Variants in HDLBP observed in about 807,000 individuals in gnomAD.
HDLBP encodes high density lipoprotein binding protein.
Under a neutral mutation model 137.3 loss-of-function variants are expected in HDLBP, and 30 were observed. The observed-to-expected ratio is 0.22, with a 90% CI of 0.16 to 0.30. HDLBP has a LOEUF of 0.30. HDLBP is among the 10% of genes least tolerant of loss of function. The probability of loss-of-function intolerance (pLI) is 1.00; values close to 1 mark genes in which losing one functional copy is unlikely to be tolerated. For missense variants in HDLBP, 1,119 were observed against 1,667.3 expected (o/e 0.67, Z 5.73); for synonymous variants, 606 against 596.0 (o/e 1.02, Z -0.24).
At chr2:241,235,679 C>G in intron 21 of HDLBP, 85 bp from the exon 22 acceptor site, 1 of 869,732 alleles carries the variant, frequency 1.1e-6, no homozygotes, top group Non-Finnish European at 1.9e-6. Context: ...CCACGAAACA[C>G]AAGGCAAACA....
chr2:241,268,628 C>A, intron 1 of HDLBP, 87 bp from the exon 2 acceptor site: 1 of 389,570 alleles, frequency 2.6e-6, no homozygotes, highest in Non-Finnish European at 3.5e-6. Flanking sequence ...ATCTTTTTAC[C>A]TCAAAATCAG....
rs531927289 is a variant in HDLBP, at chr2:241,257,381, C to T, written c.451-575G>A. On this transcript the variant is annotated intron_variant, in intron 5 of 27. Transcript: ENST00000310931. ...TCGATTAGCTGGGACTACAGGCGTGCGCCACCATGCCCAGCTAATTTTTAT... is the reference window on the plus strand; with the variant it reads ...TCGATTAGCTGGGACTACAGGCGTGTGCCACCATGCCCAGCTAATTTTTAT... Among the ~76,000 whole-genome samples, 127 of 152,224 alleles carry T rather than the reference C, an allele frequency of 8.3e-4. 1 individual carries two copies. The highest frequency in any genetic ancestry group is 2.7e-3 in the African/African-American group (114 of 41,542).
At chr2:241,303,158 C>T (rs2075447320) in intron 1 of HDLBP, among the ~76,000 whole-genome samples, 1 of 152,244 alleles carries the variant, frequency 6.6e-6, no homozygotes, top group Non-Finnish European at 1.5e-5. Context: ...AAACAAGCAG[C>T]ATTTGGTCCA....
At position 241,242,532 on chromosome 2, in the gene HDLBP, G is replaced by A. The variant is rs371087420; in HGVS notation, c.2097C>T (p.Thr699=). ...CCGAGGAAGGGCCCCTGATAACAACGGTGTCGCTTCCTGAACCTTCCACGG... is the reference window on the plus strand; with the variant it reads ...CCGAGGAAGGGCCCCTGATAACAACAGTGTCGCTTCCTGAACCTTCCACGG... The part of the protein sequence containing the change: ...HFPVEGSGSD[T]VVIRGPSSDV... The change falls in exon 17 of 28, where the codon ACC becomes ACT. Residue 699 remains threonine (T), a synonymous_variant. Transcript: ENST00000310931. The A allele has an allele frequency of 1.6e-5, 26 of 1,614,038 alleles. No homozygotes were observed. Among genetic ancestry groups the A allele is most frequent in the South Asian group, 4.4e-5 (4 of 91,084 alleles).
chr2:241,242,815 CCAAACTTCTCCAAGCCATTTTTGACCTG>C lies in HDLBP; in HGVS notation c.1951-165_1951-138del. ...TGGAGATGCCACTTACAAGCACTGA[CCAAACTTCTCCAAGCCATTTTTGACCTG>C]CACGGGGGAGGAGAGTGCACGTCCT... is the stretch of plus-strand genomic sequence containing the variant. On this transcript the variant is annotated intron_variant, in intron 16 of 27. Coordinates refer to ENST00000310931, the MANE Select transcript of HDLBP (RefSeq NM_005336.6). 4.0e-6 allele frequency: 3 copies of C among 741,556 alleles called. No individual in the cohort carries two copies. The South Asian group carries it at 5.1e-5, about 13-fold the overall frequency. 45.9% of individuals were successfully genotyped at this position (741,556 alleles called of 1,614,324 possible).
intron 1 of HDLBP, among the ~76,000 whole-genome samples, chr2:241,283,239 G>T (rs2074675480): frequency 6.6e-6 from 1 of 152,186 alleles, no homozygotes; most frequent in Non-Finnish European, 1.5e-5. Flanking sequence ...AGGTGAGGAA[G>T]CTGCAGGAAA....
At chr2:241,313,084 C>G (rs2075800981) in intron 1 of HDLBP, among the ~76,000 whole-genome samples, 1 of 152,226 alleles carries the variant, frequency 6.6e-6, no homozygotes, top group Non-Finnish European at 1.5e-5. Flanking sequence ...TCTTACTCGT[C>G]TTTTAAACCG....
At chr2:241,284,287 G>A (rs1342391323) in intron 1 of HDLBP, among the ~76,000 whole-genome samples, 1 of 152,216 alleles carries the variant, frequency 6.6e-6, no homozygotes, top group African/African-American at 2.4e-5. Context: ...TCCTGTAAAG[G>A]ATTCACCATT....
intron 1 of HDLBP, among the ~76,000 whole-genome samples, chr2:241,288,600 T>C (rs555936893): frequency 6.6e-6 from 1 of 152,332 alleles, no homozygotes; most frequent in African/African-American, 2.4e-5. Context: ...TTTGACTCAC[T>C]GAAGAAACAA....
chr2:241,257,274 T>TTGCC (rs1182983373), intron 5 of HDLBP, among the ~76,000 whole-genome samples: 119 of 152,322 alleles, frequency 7.8e-4, no homozygotes, highest in African/African-American at 2.8e-3. Context: ...CGCTCTGACG[T>TTGCC]CAGGCTGGAG....
At chr2:241,314,214 A>G (rs1462580143) in intron 1 of HDLBP, among the ~76,000 whole-genome samples, 1 of 152,204 alleles carries the variant, frequency 6.6e-6, no homozygotes, top group Non-Finnish European at 1.5e-5. Context: ...ATGTGTACTT[A>G]ATGAATTTAG....
chr2:241,248,406 C>G, intron 12 of HDLBP, 58 bp from the exon 13 acceptor site: 3 of 1,348,134 alleles, frequency 2.2e-6, no homozygotes, highest in Non-Finnish European at 3.2e-6. Context: ...CAACTCCCCA[C>G]TGACACAAGG....
chr2:241,274,999 G>A (rs573999119), intron 1 of HDLBP, among the ~76,000 whole-genome samples: 1 of 152,210 alleles, frequency 6.6e-6, no homozygotes, highest in Non-Finnish European at 1.5e-5. Context: ...ATCAAAAAAA[G>A]AAGAAGAAAA....
chr2:241,294,796 T>C (rs2075120684), intron 1 of HDLBP, among the ~76,000 whole-genome samples: 1 of 152,096 alleles, frequency 6.6e-6, no homozygotes, highest in African/African-American at 2.4e-5. Flanking sequence ...AATATATACT[T>C]ATGGCTAAAA....
intron 1 of HDLBP, chr2:241,302,551 T>C (rs1455242385): frequency 2.0e-5 from 3 of 152,180 alleles, no homozygotes; most frequent in African/African-American, 4.8e-5. Flanking sequence ...TCAAAACAAA[T>C]TGGTAAAAGT....
At chr2:241,237,966 TA>T (rs773758042) in intron 20 of HDLBP, among the ~76,000 whole-genome samples, 9 of 152,338 alleles carry the variant, frequency 5.9e-5, no homozygotes, top group Non-Finnish European at 1.0e-4. Context: ...GAGATGACAC[TA>T]TGTGCACTCA....
intron 1 of HDLBP, among the ~76,000 whole-genome samples, chr2:241,298,382 GA>G (rs982810265): frequency 6.6e-6 from 1 of 151,280 alleles, no homozygotes; most frequent in Non-Finnish European, 1.5e-5. Flanking sequence ...TAATAATAAT[GA>G]AAAAAATAAA....
At chr2:241,252,935 C>G in intron 11 of HDLBP, 22 bp downstream of exon 11, 1 of 1,572,362 alleles carries the variant, frequency 6.4e-7, no homozygotes, top group Non-Finnish European at 8.7e-7. Context: ...CTGGCCCCAC[C>G]GCAACAGACA....
chr2:241,294,052 G>A (rs954290471), intron 1 of HDLBP, among the ~76,000 whole-genome samples: 3 of 152,090 alleles, frequency 2.0e-5, no homozygotes, highest in Admixed American at 6.5e-5. Flanking sequence ...ACACACACCC[G>A]AGATTACAAT....
Sources: allele counts gnomAD v4.1 joint callset (sites outside exome capture counted in the v4.1 genomes callset), GRCh38; gene constraint gnomAD v4.1.1; transcripts MANE v1.5; gene names NCBI Gene and HGNC (gene_info 2026-07-23, HGNC 2026-07-21).